The following FETUB variants were observed in gnomAD, a reference collection of about 807,000 sequenced individuals.
The protein encoded by FETUB is fetuin-B.
In FETUB, 28 loss-of-function variants were observed where a neutral mutation model predicts 30.9. That is an observed-to-expected ratio of 0.90 (90% CI 0.67 to 1.24). FETUB has a LOEUF of 1.24. FETUB is among the 50% of genes most tolerant of loss of function. FETUB has a pLI of 0.00. For synonymous variants in FETUB, 186 were observed against 175.9 expected (o/e 1.06, Z -0.45); for missense variants, 469 against 455.3 (o/e 1.03, Z -0.27).
chr3:186,643,588 G>T (rs1472719093), intron 3 of FETUB, among the ~76,000 whole-genome samples: 1 of 152,160 alleles, frequency 6.6e-6, no homozygotes, highest in African/African-American at 2.4e-5. Flanking sequence ...ACAGTTTAAG[G>T]TTCCTGGTTG....
At chr3:186,643,378 G>A (rs1717230780) in intron 3 of FETUB, among the ~76,000 whole-genome samples, 1 of 152,172 alleles carries the variant, frequency 6.6e-6, no homozygotes, top group African/African-American at 2.4e-5. Flanking sequence ...AGCATCCACA[G>A]TGCAGGAAAA....
At chr3:186,648,924 C>T (rs1717767653) in intron 5 of FETUB, among the ~76,000 whole-genome samples, 1 of 152,162 alleles carries the variant, frequency 6.6e-6, no homozygotes, top group African/African-American at 2.4e-5. Context: ...TCTATATGAT[C>T]ATGTCACCTG....
rs765892584 is a variant in FETUB, at chr3:186,652,572, C to A, written c.1090C>A (p.Arg364Ser). The change falls in exon 7 of 7, where the codon CGC becomes AGC. Residue 364 changes from arginine (R) to serine (S), a missense_variant. Transcript: ENST00000265029. ...VVLPFPKEKA[R>S]TAECPGPAQN... ...CCTGCCTTTCCCCAAAGAAAAAGCA[C>A]GCACTGCTGAGTGCCCAGGGCCAGC... is the stretch of plus-strand genomic sequence containing the variant. 2.4e-5 allele frequency: 39 copies of A among 1,613,628 alleles called. No homozygotes were observed. Among genetic ancestry groups the A allele is most frequent in the Non-Finnish European group, 3.2e-5 (38 of 1,179,962 alleles).
Position 186,651,218 on chromosome 3 carries a change from C to T in FETUB, c.697C>T (p.Pro233Ser). 6.2e-7 allele frequency: 1 copy of T among 1,606,242 alleles called. No homozygotes were observed. Among genetic ancestry groups the T allele is most frequent in the Non-Finnish European group, 8.5e-7 (1 of 1,172,876 alleles). Residue 233 changes from proline (P) to serine (S), a missense_variant and splice_region_variant, in exon 6 of 7, where the codon CCT (proline) becomes TCT (serine). Pro to Ser is a moderately conservative substitution (Grantham distance 74). Transcript: ENST00000265029. ...CATGACATTGTATTTTCTCTTTTAG[C>T]CTGTTGGTCTTTGCAAAGGTTCTCT... ...SCSLQSSDSV[P>S]VGLCKGSLTR...
upstream of FETUB, chr3:186,636,184 T>G (rs933142644): frequency 1.3e-5 from 2 of 152,286 alleles, no homozygotes; most frequent in Non-Finnish European, 2.9e-5. Flanking sequence ...CTGAGAGGAC[T>G]GCGCCTACAG....
At position 186,649,286 on chromosome 3, in the gene FETUB, T is replaced by TC. The variant is rs1450468757; in HGVS notation, c.697-1931dup. Among the ~76,000 whole-genome samples, 5 of 152,252 alleles carry TC rather than the reference T, an allele frequency of 3.3e-5. No individual in the cohort carries two copies. In the East Asian group the frequency reaches 9.7e-4, roughly 29 times the overall value. On this transcript the variant is annotated intron_variant, in intron 5 of 6. Coordinates refer to ENST00000265029, the MANE Select transcript of FETUB (RefSeq NM_014375.3). ...AATTTCTAGTCTTTTTTTCATATGC[T>TC]CTGGAGCTGAGTGACAAAGTAATAT... is the stretch of plus-strand genomic sequence containing the variant.
Position 186,645,574 on chromosome 3 carries a change from C to A in FETUB, c.594+654C>A, listed in dbSNP as rs901236840. Among the ~76,000 whole-genome samples the A allele has an allele frequency of 2.6e-5, 4 of 152,052 alleles. No homozygotes were observed. The South Asian group carries it at 8.3e-4, about 32-fold the overall frequency. On this transcript the variant is annotated intron_variant, in intron 4 of 6. Transcript: ENST00000265029. ...ACTCCTGGACTCAAAACAATCCACC[C>A]GCCTTGGCCTCCCAAAGTGCCAGGA...
chr3:186,637,686 C>T (rs79350251), upstream of FETUB, among the ~76,000 whole-genome samples: 1,475 of 152,342 alleles, frequency 9.7e-3, 41 homozygotes, highest in African/African-American at 0.034. Flanking sequence ...AGGCCACTGG[C>T]AGAGTCACAT....
At chr3:186,649,943 C>G (rs1717864426) in intron 5 of FETUB, among the ~76,000 whole-genome samples, 2 of 152,108 alleles carry the variant, frequency 1.3e-5, no homozygotes, top group African/African-American at 2.4e-5. Flanking sequence ...GCCTCCAGTT[C>G]CATCCATGTT....
At chr3:186,645,016 T>A in intron 4 of FETUB, 96 bp downstream of exon 4, 1 of 956,320 alleles carries the variant, frequency 1.0e-6, no homozygotes, top group South Asian at 1.8e-5. Context: ...GCACTCATTT[T>A]GATTAGAACC....
rs1253360785 is a variant in FETUB at position 186,652,367 on chromosome 3, C to A, written c.885C>A (p.Pro295=). 1 of 1,612,820 alleles carries A rather than the reference C, an allele frequency of 6.2e-7. No homozygotes were observed. The highest frequency in any genetic ancestry group is 1.7e-5 in the Admixed American group (1 of 59,962). ...AAAACACCCCCCCAACAGACTCCCC[C>A]TCCAAAGCTGGGCCAAGAGGATCTG... The part of the protein sequence containing the change: ...QQKNTPPTDS[P]SKAGPRGSVQ... The change falls in exon 7 of 7, where the codon CCC becomes CCA. Residue 295 remains proline (P), a synonymous_variant. Coordinates refer to ENST00000265029, the MANE Select transcript of FETUB (RefSeq NM_014375.3).
In FETUB at chr3:186,652,465, T is replaced by C. The variant is rs761169523; in HGVS notation, c.983T>C (p.Leu328Pro). ...CCTCAGGAGGCCTTTCCTGTGCATC[T>C]GGACCTAACCACGAATCCCCAGGGA... ...KGPQEAFPVH[L>P]DLTTNPQGET... The change falls in exon 7 of 7, where the codon CTG becomes CCG. Residue 328 changes from leucine (L) to proline (P), a missense_variant. Transcript: ENST00000265029. The C allele has an allele frequency of 2.5e-6, 4 of 1,614,092 alleles. No homozygotes were observed. The highest frequency in any genetic ancestry group is 2.7e-5 in the African/African-American group (2 of 74,930).
intron 4 of FETUB, among the ~76,000 whole-genome samples, chr3:186,646,045 G>T (rs562777253): frequency 3.1e-4 from 47 of 152,320 alleles, no homozygotes; most frequent in African/African-American, 1.1e-3. Context: ...AAGAAGAGAA[G>T]AAAGGTGTGA....
At chr3:186,639,788 A>G (rs1206821612), upstream of FETUB, among the ~76,000 whole-genome samples, 2 of 152,350 alleles carry the variant, frequency 1.3e-5, no homozygotes, top group Admixed American at 6.5e-5. Flanking sequence ...ACATATGCAT[A>G]AAAGGAAGAA....
chr3:186,647,617 A>G (rs1207639916), intron 5 of FETUB, among the ~76,000 whole-genome samples: 1 of 152,116 alleles, frequency 6.6e-6, no homozygotes, highest in African/African-American at 2.4e-5. Context: ...TAATGTGTTT[A>G]TTATCCATTA....
chr3:186,651,401 C>G, intron 6 of FETUB, 100 bp downstream of exon 6: 1 of 797,878 alleles, frequency 1.3e-6, no homozygotes, highest in Non-Finnish European at 2.1e-6. Flanking sequence ...TCCCAACCAC[C>G]TTGCTCACCA....
intron 5 of FETUB, among the ~76,000 whole-genome samples, chr3:186,648,368 A>G (rs560778600): frequency 3.3e-5 from 5 of 152,348 alleles, no homozygotes; most frequent in African/African-American, 1.2e-4. Flanking sequence ...TTATACTGGT[A>G]TAACACTGTC....
At chr3:186,650,178 G>GGA (rs1391592348) in intron 5 of FETUB, among the ~76,000 whole-genome samples, 6 of 94,312 alleles carry the variant, frequency 6.4e-5, no homozygotes, top group Non-Finnish European at 1.0e-4. Context: ...GGTGGGGGGG[G>GGA]GGGGTAAATC....
chr3:186,640,367 C>T (rs1221320790), upstream of FETUB: 3 of 967,496 alleles, frequency 3.1e-6, no homozygotes, highest in African/African-American at 3.2e-5. Context: ...CCAGTTGTAA[C>T]AAAACCGCTC....
Sources: gnomAD v4.1 joint callset for allele counts (sites outside exome capture counted in the v4.1 genomes callset) on GRCh38, gnomAD v4.1.1 for gene constraint, MANE v1.5 for transcripts, NCBI Gene and HGNC (gene_info 2026-07-23, HGNC 2026-07-21) for gene names.